Variants in ARHGAP32 observed in about 807,000 individuals in gnomAD.
ARHGAP32 encodes the protein rho GTPase-activating protein 32.
In ARHGAP32, 51 loss-of-function variants were observed where a neutral mutation model predicts 186.5. The ratio of observed to expected loss-of-function variants is 0.27; its 90% CI spans 0.22 to 0.35. ARHGAP32 has a LOEUF of 0.35. ARHGAP32 is among the 10% of genes least tolerant of loss of function. The pLI is 1.00. For synonymous variants in ARHGAP32, 950 were observed against 964.3 expected (o/e 0.99, Z 0.27); for missense variants, 2,186 against 2,623.5 (o/e 0.83, Z 3.64).
intron 1 of ARHGAP32, among the ~76,000 whole-genome samples, chr11:129,221,493 G>GTGTC (rs1944709828): frequency 1.5e-5 from 1 of 66,874 alleles, no homozygotes; most frequent in Non-Finnish European, 3.6e-5. Context: ...GTGTGTGTGT[G>GTGTC]TGTGTGTGTG....
intron 1 of ARHGAP32, among the ~76,000 whole-genome samples, chr11:129,254,181 T>C (rs780541277): frequency 2.6e-5 from 4 of 152,086 alleles, no homozygotes; most frequent in Non-Finnish European, 4.4e-5. Context: ...GGGAAATATT[T>C]ATACAGCCCA....
At chr11:129,221,775 G>A (rs1310877410) in intron 1 of ARHGAP32, among the ~76,000 whole-genome samples, 1 of 151,944 alleles carries the variant, frequency 6.6e-6, no homozygotes, top group Non-Finnish European at 1.5e-5. Flanking sequence ...TCACACCCCT[G>A]CACCCTAGTC....
At chr11:129,090,228 G>C (rs1941534595) in intron 6 of ARHGAP32, among the ~76,000 whole-genome samples, 1 of 152,122 alleles carries the variant, frequency 6.6e-6, no homozygotes, top group African/African-American at 2.4e-5. Flanking sequence ...CTAATGCCCT[G>C]AATGGAAAAG....
At chr11:129,004,596 T>C (rs1429864765) in intron 11 of ARHGAP32, among the ~76,000 whole-genome samples, 5 of 152,182 alleles carry the variant, frequency 3.3e-5, no homozygotes, top group Admixed American at 2.0e-4. Context: ...TTTGGCTAAA[T>C]TGACCCCTTT....
intron 1 of ARHGAP32, among the ~76,000 whole-genome samples, chr11:129,242,534 C>A (rs1945032527): frequency 6.6e-6 from 1 of 151,992 alleles, no homozygotes; most frequent in Admixed American, 6.6e-5. Context: ...CTGGCTAACA[C>A]AGTGAAACCC....
At chr11:129,169,671 A>T (rs1943717624) in intron 1 of ARHGAP32, among the ~76,000 whole-genome samples, 1 of 150,066 alleles carries the variant, frequency 6.7e-6, no homozygotes, top group South Asian at 2.1e-4. Context: ...TGAGGCCATT[A>T]TGAACATTTT....
chr11:129,174,376 C>G (rs1322406241), intron 1 of ARHGAP32, among the ~76,000 whole-genome samples: 1 of 152,210 alleles, frequency 6.6e-6, no homozygotes, highest in Non-Finnish European at 1.5e-5. Context: ...GGGGCGCCCA[C>G]CATTGCCCAG....
chr11:129,005,672 T>A (rs188798483), intron 11 of ARHGAP32, among the ~76,000 whole-genome samples: 1 of 152,328 alleles, frequency 6.6e-6, no homozygotes, highest in Non-Finnish European at 1.5e-5. Context: ...GCTATTAGTA[T>A]CCTTTCTTTA....
chr11:129,164,507 A>T, intron 1 of ARHGAP32, 80 bp from the exon 2 acceptor site: 1 of 781,566 alleles, frequency 1.3e-6, no homozygotes, highest in Non-Finnish European at 2.0e-6. Flanking sequence ...TTGAAAGAGC[A>T]GAAAAACTAC....
At position 128,969,269 on chromosome 11, in the gene ARHGAP32, T is replaced by C. The variant is rs140151123; in HGVS notation, c.5944A>G (p.Lys1982Glu). 1.2e-6 allele frequency: 2 copies of C among 1,614,080 alleles called. No individual in the cohort carries two copies. Among genetic ancestry groups the C allele is most frequent in the Non-Finnish European group, 1.7e-6 (2 of 1,180,020 alleles). The change falls in exon 23 of 23, where the codon AAG becomes GAG. Residue 1982 changes from lysine (K) to glutamate (E), a missense_variant. By Grantham distance (56) the Lys-to-Glu change is moderately conservative (BLOSUM62 1). Around this residue, in one of 5 missense-constraint regions of ARHGAP32, gnomAD observed 1,502 missense variants for 1,570.0 expected, o/e 0.96. Coordinates refer to ENST00000682385, the MANE Select transcript of ARHGAP32 (RefSeq NM_001378024.1). This position sits in a 1 kb window ranked among gnomAD's most constrained non-coding sequence, Gnocchi z 4.8. ...GACTGAGTGAGGTGTTCTTCCTCCT[T>C]GTAGCAGTCTCTGGAGTGTTTCTCT... is the stretch of plus-strand genomic sequence containing the variant. ...APEKHSRDCY[K>E]EEEHLTQSIV...
At chr11:129,042,634 A>T (rs541206705) in intron 10 of ARHGAP32, among the ~76,000 whole-genome samples, 408 of 152,300 alleles carry the variant, frequency 2.7e-3, no homozygotes, top group African/African-American at 9.3e-3. Flanking sequence ...CACCCTCCAT[A>T]AAAGGGTTTG....
In ARHGAP32 at chr11:128,973,675, G is replaced by C. The variant is rs1020760363; in HGVS notation, c.3074-243C>G. ...TTCTTGAATTGTTACAGAGATGGGG[G>C]GGAAAAAAAGCATGTCCCTCACCTG... is the stretch of plus-strand genomic sequence containing the variant. On this transcript the variant is annotated intron_variant, in intron 21 of 22. Transcript: ENST00000682385. 4 of 557,316 alleles carry C rather than the reference G, an allele frequency of 7.2e-6. 1 individual carries two copies. In the Admixed American group the frequency reaches 1.3e-4, roughly 18 times the overall value. 34.5% of individuals were successfully genotyped at this position (557,316 alleles called of 1,614,324 possible).
intron 11 of ARHGAP32, among the ~76,000 whole-genome samples, chr11:129,012,211 A>G (rs1938116957): frequency 6.6e-6 from 1 of 152,238 alleles, no homozygotes; most frequent in Admixed American, 6.5e-5. Flanking sequence ...CTCCTTTACT[A>G]TTGGTAATAA....
At chr11:129,237,684 G>A (rs765878133) in intron 1 of ARHGAP32, among the ~76,000 whole-genome samples, 63 of 152,150 alleles carry the variant, frequency 4.1e-4, no homozygotes, top group Admixed American at 2.6e-4. Flanking sequence ...GCAACAGTAC[G>A]GTGAGGGCAA....
At chr11:129,278,133 C>G (rs555316109) in intron 1 of ARHGAP32, among the ~76,000 whole-genome samples, 1 of 152,280 alleles carries the variant, frequency 6.6e-6, no homozygotes, top group African/African-American at 2.4e-5. Context: ...GAAAAGTTAT[C>G]CCCATTCAGA....
intron 2 of ARHGAP32, among the ~76,000 whole-genome samples, chr11:129,157,111 GA>G (rs547142011): frequency 1.0e-3 from 158 of 152,258 alleles, no homozygotes; most frequent in African/African-American, 3.8e-3. Context: ...ATAAATCCAT[GA>G]AGATGAGGAA....
At chr11:129,117,983 T>C (rs1942417704) in intron 5 of ARHGAP32, among the ~76,000 whole-genome samples, 1 of 152,078 alleles carries the variant, frequency 6.6e-6, no homozygotes, top group East Asian at 1.9e-4. Flanking sequence ...TTAAACTACA[T>C]GTGGCTTTAC....
chr11:129,193,281 G>A (rs1417346654), upstream of ARHGAP32, among the ~76,000 whole-genome samples: 5 of 109,088 alleles, frequency 4.6e-5, no homozygotes, highest in Non-Finnish European at 6.9e-5. Flanking sequence ...AGACCAACCT[G>A]GGCAACTTAG....
intron 1 of ARHGAP32, among the ~76,000 whole-genome samples, chr11:129,266,801 G>A (rs191356631): frequency 6.6e-6 from 1 of 152,134 alleles, no homozygotes; most frequent in Non-Finnish European, 1.5e-5. Flanking sequence ...AGGGCCTAAA[G>A]GATGTGCCCA....
Sources: allele counts gnomAD v4.1 joint callset (sites outside exome capture counted in the v4.1 genomes callset), GRCh38; gene constraint gnomAD v4.1.1; regional missense constraint gnomAD v4.1.1; non-coding constraint Gnocchi (gnomAD v3.1); transcripts MANE v1.5; gene names NCBI Gene and HGNC (gene_info 2026-07-23, HGNC 2026-07-21).